Variants in ACP3 observed in about 807,000 individuals in gnomAD.
The protein encoded by ACP3 is prostatic acid phosphatase.
ACP3 carries 38 observed loss-of-function variants against 45.6 expected under a neutral mutation model. The observed-to-expected ratio is 0.83, with a 90% CI of 0.64 to 1.09. The LOEUF (loss-of-function observed/expected upper bound fraction) is 1.09, where lower values mean the gene tolerates loss of function less well. Among genes scored for constraint, ACP3 ranks in the 50% least tolerant of loss-of-function variants. The pLI, the probability that ACP3 is intolerant of heterozygous loss-of-function variation, is 0.00. For synonymous variants in ACP3, 162 were observed against 164.7 expected (o/e 0.98, Z 0.13); for missense variants, 466 against 463.2 (o/e 1.01, Z -0.05).
intron 5 of ACP3, among the ~76,000 whole-genome samples, chr3:132,338,654 G>A (rs1937520656): frequency 6.6e-6 from 1 of 152,200 alleles, no homozygotes; most frequent in Non-Finnish European, 1.5e-5. Flanking sequence ...TTTGCCAACA[G>A]TATGTGGACC....
At chr3:132,367,729 C>G (rs1419857404) in exon 11 of ACP3, 1 of 1,613,398 alleles carries the variant, frequency 6.2e-7, no homozygotes, top group Non-Finnish European at 8.5e-7. Context: ...TTGCTGTTGC[C>G]TTTTGCCTGA....
In ACP3 at chr3:132,317,558, G is replaced by A. The variant is rs1333767366; in HGVS notation, c.102G>A (p.Glu34=). 9 of 1,611,824 alleles carry A rather than the reference G, an allele frequency of 5.6e-6. No individual in the cohort carries two copies. Among genetic ancestry groups the A allele is most frequent in the Non-Finnish European group, 7.6e-6 (9 of 1,179,000 alleles). ...FWLDRSVLAK[E]LKFVTLVFRH... is the part of the protein sequence containing the mutation. ...TAGACCGAAGTGTACTAGCCAAGGA[G>A]TTGAAGTTTGTGACTTTGGTAAGTA... The change falls in exon 1 of 10, where the codon GAG becomes GAA. Residue 34 remains glutamate (E), a synonymous_variant. Coordinates refer to ENST00000336375, the MANE Select transcript of ACP3 (RefSeq NM_001099.5).
chr3:132,321,409 A>T (rs1937204675), intron 1 of ACP3, among the ~76,000 whole-genome samples: 1 of 152,096 alleles, frequency 6.6e-6, no homozygotes, highest in Non-Finnish European at 1.5e-5. Context: ...CCTTACATAC[A>T]ATCTCTCTCC....
chr3:132,356,352 A>G (rs1391992983), intron 9 of ACP3, among the ~76,000 whole-genome samples: 1 of 151,462 alleles, frequency 6.6e-6, no homozygotes, highest in Non-Finnish European at 1.5e-5. Context: ...AAAACCCAAC[A>G]CCCCCACCTG....
chr3:132,352,580 T>C (rs2107815080), intron 8 of ACP3, 140 bp from the exon 9 acceptor site: 3 of 628,918 alleles, frequency 4.8e-6, no homozygotes, highest in East Asian at 2.8e-5. Context: ...AACCAAAATC[T>C]TTCCTTCTCT....
At chr3:132,333,678 A>T (rs1432465918) in intron 4 of ACP3, among the ~76,000 whole-genome samples, 2 of 152,162 alleles carry the variant, frequency 1.3e-5, no homozygotes, top group Non-Finnish European at 2.9e-5. Flanking sequence ...TTTCCTTCAC[A>T]GAATCATGAG....
chr3:132,332,506 C>T (rs1349509097), intron 4 of ACP3, 162 bp downstream of exon 4: 4 of 879,526 alleles, frequency 4.5e-6, no homozygotes, highest in Admixed American at 2.9e-5. Flanking sequence ...CATGGAAAAC[C>T]CTAGCTAAGA....
At chr3:132,337,294 G>C (rs1355277213) in intron 4 of ACP3, 162 bp from the exon 5 acceptor site, 2 of 504,356 alleles carry the variant, frequency 4.0e-6, no homozygotes, top group African/African-American at 3.8e-5. Context: ...TAGATCATTT[G>C]ATTCTTTCTC....
rs1433479370 is a variant in ACP3 at position 132,350,057 on chromosome 3, A to C, written c.864+55A>C. The C allele has an allele frequency of 4.8e-6, 6 of 1,245,324 alleles. No homozygotes were observed. In the African/African-American group the frequency reaches 5.9e-5, roughly 12 times the overall value. 77.1% of individuals were successfully genotyped at this position (1,245,324 alleles called of 1,614,324 possible). The stretch of plus-strand genomic sequence containing the variant: ...GTTTGTTCAAGTGTGTGATCTCTTG[A>C]AGCACAGGACCTCATCTTTTTTTAA... On this transcript the variant is annotated intron_variant, in intron 8 of 9. Transcript: ENST00000336375.
At chr3:132,343,749 G>T (rs1010525131) in intron 6 of ACP3, among the ~76,000 whole-genome samples, 1 of 152,090 alleles carries the variant, frequency 6.6e-6, no homozygotes, top group Non-Finnish European at 1.5e-5. Flanking sequence ...TTGGCACAAG[G>T]TCTCACCTGC....
At chr3:132,363,095 A>C (rs1324382512), downstream of ACP3, among the ~76,000 whole-genome samples, 1 of 116,280 alleles carries the variant, frequency 8.6e-6, no homozygotes, top group Non-Finnish European at 2.2e-5. Context: ...AAAATAAATA[A>C]ATAAATAAAT....
At chr3:132,332,006 G>T (rs1295390973) in intron 3 of ACP3, among the ~76,000 whole-genome samples, 186 bp from the exon 4 acceptor site, 3 of 152,116 alleles carry the variant, frequency 2.0e-5, no homozygotes, top group Non-Finnish European at 2.9e-5. Flanking sequence ...TGGCCAACCA[G>T]GTTGCTTTGT....
At chr3:132,361,493 A>G (rs34053279), downstream of ACP3, among the ~76,000 whole-genome samples, 6,466 of 152,244 alleles carry the variant, frequency 0.042, 186 homozygotes, top group African/African-American at 0.069. Flanking sequence ...CAAGTCAGTC[A>G]CATGGTTTTT....
At position 132,358,141 on chromosome 3, in the gene ACP3, G is replaced by C. The variant is rs1244045022; in HGVS notation, c.*1263G>C. On this transcript the variant is annotated 3_prime_UTR_variant, in exon 10 of 10. Transcript: ENST00000336375. Reference sequence around the variant, plus strand: ...ACAGTGGCTCACACCTGTAATCCTTGCATTTTGGAAGGCTGAGGCAGGAGG... The same window carrying C: ...ACAGTGGCTCACACCTGTAATCCTTCCATTTTGGAAGGCTGAGGCAGGAGG... 6.1e-6 allele frequency: 3 copies of C among 491,724 alleles called. No individual in the cohort carries two copies. The highest frequency in any genetic ancestry group is 2.1e-5 in the African/African-American group (1 of 47,594). 30.5% of individuals were successfully genotyped at this position (491,724 alleles called of 1,614,324 possible).
chr3:132,361,388 A>C (rs1477159381), downstream of ACP3, among the ~76,000 whole-genome samples: 1 of 151,886 alleles, frequency 6.6e-6, no homozygotes, highest in Non-Finnish European at 1.5e-5. Context: ...TTCACTCCTC[A>C]CTCCACTCCT....
chr3:132,335,744 G>A (rs1013147076), intron 4 of ACP3, among the ~76,000 whole-genome samples: 2 of 152,066 alleles, frequency 1.3e-5, no homozygotes, highest in Non-Finnish European at 2.9e-5. Flanking sequence ...AGTGCCTTCC[G>A]GGACAGCAAG....
intron 6 of ACP3, 69 bp from the exon 7 acceptor site, chr3:132,344,858 A>T: frequency 1.3e-6 from 2 of 1,555,832 alleles, no homozygotes; most frequent in Non-Finnish European, 1.7e-6. Flanking sequence ...GAGGTGAAAA[A>T]GGATAAGTCA....
intron 7 of ACP3, among the ~76,000 whole-genome samples, chr3:132,348,834 G>C (rs756107876): frequency 5.9e-5 from 9 of 152,108 alleles, no homozygotes; most frequent in Non-Finnish European, 1.3e-4. Context: ...GTACAGACCT[G>C]TCTCTTCTTA....
At position 132,358,535 on chromosome 3, in the gene ACP3, T is replaced by G. The variant is rs1327658121; in HGVS notation, c.*1657T>G. The G allele has an allele frequency of 1.6e-5, 19 of 1,177,102 alleles. No individual in the cohort carries two copies. The highest frequency in any genetic ancestry group is 2.1e-5 in the Non-Finnish European group (19 of 920,140). 72.9% of individuals were successfully genotyped at this position (1,177,102 alleles called of 1,614,324 possible). Reference sequence around the variant, plus strand: ...ACCATTATGGATAAAGATGAGATGGTTTCTAGAGATGGTTTCTACTGGCTG... The same window carrying G: ...ACCATTATGGATAAAGATGAGATGGGTTCTAGAGATGGTTTCTACTGGCTG... On this transcript the variant is annotated 3_prime_UTR_variant, in exon 10 of 10. Transcript: ENST00000336375.
Sources: gnomAD v4.1 joint callset for allele counts (sites outside exome capture counted in the v4.1 genomes callset) on GRCh38, gnomAD v4.1.1 for gene constraint, MANE v1.5 for transcripts, NCBI Gene and HGNC (gene_info 2026-07-23, HGNC 2026-07-21) for gene names.